GREB1: variants seen among roughly 807,000 people sequenced by gnomAD.
GREB1 encodes protein GREB1.
Under a neutral mutation model 200.7 loss-of-function variants are expected in GREB1, and 106 were observed. The ratio of observed to expected loss-of-function variants is 0.53; its 90% CI spans 0.45 to 0.62. The LOEUF is 0.62. GREB1 is among the 20% of genes least tolerant of loss of function. GREB1 has a pLI of 0.00. For synonymous variants in GREB1, 1,132 were observed against 1,092.4 expected (o/e 1.04, Z -0.72); for missense variants, 2,243 against 2,556.8 (o/e 0.88, Z 2.65).
chr2:11,544,877 C>T (rs1430767032), intron 1 of GREB1, among the ~76,000 whole-genome samples: 1 of 152,150 alleles, frequency 6.6e-6, no homozygotes, highest in African/African-American at 2.4e-5. Flanking sequence ...TGCAGTAGTG[C>T]GTTCTCAGCT....
Position 11,618,624 on chromosome 2 carries a change from C to T in GREB1, c.3749C>T (p.Thr1250Ile), listed in dbSNP as rs1347398282. 4 of 1,613,360 alleles carry T rather than the reference C, an allele frequency of 2.5e-6. No homozygotes were observed. In the East Asian group the frequency reaches 6.7e-5, roughly 27 times the overall value. ...WVLQASQCSL[T>I]KACRQPPIVF... ...CTGCAGGCCTCCCAGTGCTCCTTGA[C>T]CAAGGCCTGCCGCCAGCCACCCATT... The change falls in exon 22 of 33, where the codon ACC becomes ATC. Residue 1250 changes from threonine to isoleucine, a missense_variant. This residue lies in a region of GREB1 where 587 missense variants were observed against 553.1 expected (regional missense o/e 1.06). Transcript: ENST00000381486.
In GREB1 at chr2:11,610,695, C is replaced by T. The variant is rs754201752; in HGVS notation, c.2674C>T (p.Arg892Cys). Reference sequence around the variant, plus strand: ...TCTCTGTGTTCCTTGCAGGTTCCCCCGCCTGCACAGCGCGGTGATCAGGAC... The same window carrying T: ...TCTCTGTGTTCCTTGCAGGTTCCCCTGCCTGCACAGCGCGGTGATCAGGAC... ...MVTALGKRFP[R>C]LHSAVIRTFV... Residue 892 changes from arginine (R) to cysteine (C), a missense_variant, in exon 18 of 33, where the codon CGC becomes TGC. Physicochemically the swap from Arg to Cys is radical, Grantham distance 180 (BLOSUM62 -3). This residue lies in a region of GREB1 where 1,178 missense variants were observed against 1,387.4 expected (regional missense o/e 0.85). Transcript: ENST00000381486. 9.3e-6 allele frequency: 15 copies of T among 1,610,116 alleles called. No individual in the cohort carries two copies. The highest frequency in any genetic ancestry group is 1.7e-5 in the Admixed American group (1 of 59,886).
Position 11,576,511 on chromosome 2 carries a change from C to G in GREB1, c.613C>G (p.Pro205Ala). 6.2e-7 allele frequency: 1 copy of G among 1,613,374 alleles called. No individual in the cohort carries two copies. The highest frequency in any genetic ancestry group is 8.5e-7 in the Non-Finnish European group (1 of 1,179,832). The stretch of plus-strand genomic sequence containing the variant: ...TGCACAAGGGACTCTAACCAAAGGA[C>G]CTTTAATCTGTTGGAAAGGCTCAGG... ...RNAQGTLTKGPLICWKGSEFR... is the reference protein window; with the variant it reads ...RNAQGTLTKGALICWKGSEFR... The change falls in exon 5 of 33, where the codon CCT becomes GCT. Residue 205 changes from proline (P) to alanine (A), a missense_variant. Pro to Ala is a conservative substitution (Grantham distance 27). Coordinates refer to ENST00000381486, the MANE Select transcript of GREB1 (RefSeq NM_014668.4).
intron 23 of GREB1, among the ~76,000 whole-genome samples, chr2:11,622,721 A>C (rs1039608012): frequency 7.2e-5 from 11 of 152,194 alleles, no homozygotes; most frequent in Non-Finnish European, 2.9e-5. Flanking sequence ...ATTTAGATAG[A>C]GGCAAGAAAG....
chr2:11,628,701 T>G (rs536116643), intron 25 of GREB1, among the ~76,000 whole-genome samples: 40 of 152,318 alleles, frequency 2.6e-4, no homozygotes, highest in Admixed American at 1.5e-3. Flanking sequence ...TGAAAGGGAC[T>G]GAAGGGTGTC....
chr2:11,523,963 A>G (rs1673787528), intron 1 of GREB1, among the ~76,000 whole-genome samples: 1 of 152,208 alleles, frequency 6.6e-6, no homozygotes, highest in African/African-American at 2.4e-5. Context: ...TCTCAGGCTC[A>G]TTCAGGCTCA....
At chr2:11,527,623 A>G (rs1388805023) in intron 1 of GREB1, among the ~76,000 whole-genome samples, 6 of 152,196 alleles carry the variant, frequency 3.9e-5, no homozygotes, top group Admixed American at 1.3e-4. Flanking sequence ...AGCCTCTCCA[A>G]ATAGCAAGAC....
chr2:11,637,777 A>G lies in GREB1; in HGVS notation c.5408A>G (p.His1803Arg), dbSNP rs565502547. 6.2e-7 allele frequency: 1 copy of G among 1,614,072 alleles called. No homozygotes were observed. Among genetic ancestry groups the G allele is most frequent in the Non-Finnish European group, 8.5e-7 (1 of 1,180,024 alleles). The change falls in exon 31 of 33, where the codon CAC (histidine) becomes CGC (arginine). Residue 1803 changes from histidine to arginine, a missense_variant. Coordinates refer to ENST00000381486, the MANE Select transcript of GREB1 (RefSeq NM_014668.4). ...AQYICAPDSKHTFLAAPAQLL... is the reference protein window; with the variant it reads ...AQYICAPDSKRTFLAAPAQLL... Reference sequence around the variant, plus strand: ...TACATCTGTGCCCCGGACAGCAAGCACACGTTCCTCGCAGCGCCCGCCCAG... The same window carrying G: ...TACATCTGTGCCCCGGACAGCAAGCGCACGTTCCTCGCAGCGCCCGCCCAG...
chr2:11,631,780 G>A lies in GREB1; in HGVS notation c.4612-129G>A, dbSNP rs529150602. On this transcript the variant is annotated intron_variant, in intron 26 of 32. Coordinates refer to ENST00000381486, the MANE Select transcript of GREB1 (RefSeq NM_014668.4). ...TTTTACTGGTAAAAGCAAGTCACAA[G>A]GCTGAAAATTCCAGCAGTGTAGGCA... The A allele has an allele frequency of 1.4e-5, 10 of 724,378 alleles. No individual in the cohort carries two copies. In the African/African-American group the frequency reaches 1.7e-4, roughly 13 times the overall value. 44.9% of individuals were successfully genotyped at this position (724,378 alleles called of 1,614,324 possible).
intron 8 of GREB1, 55 bp downstream of exon 8, chr2:11,585,329 T>C: frequency 1.8e-6 from 2 of 1,083,612 alleles, no homozygotes; most frequent in Non-Finnish European, 2.7e-6. Context: ...GTGGTAGTGC[T>C]GCTGCCAGTT....
intron 3 of GREB1, 99 bp from the exon 4 acceptor site, chr2:11,566,380 GT>G: frequency 8.6e-7 from 1 of 1,165,384 alleles, no homozygotes; most frequent in Non-Finnish European, 1.2e-6. Flanking sequence ...AGGGGTAAGG[GT>G]TTCTCCTGAG....
At chr2:11,585,469 G>A (rs1387961550) in intron 8 of GREB1, among the ~76,000 whole-genome samples, 195 bp downstream of exon 8, 1 of 152,240 alleles carries the variant, frequency 6.6e-6, no homozygotes, top group Non-Finnish European at 1.5e-5. Flanking sequence ...GCTTTGCAAG[G>A]TCTAGGATCC....
chr2:11,640,541 G>A lies in GREB1; in HGVS notation c.*87G>A, dbSNP rs1380946853. On this transcript the variant is annotated 3_prime_UTR_variant, in exon 33 of 33. Coordinates refer to ENST00000381486, the MANE Select transcript of GREB1 (RefSeq NM_014668.4). The surrounding 1 kb of genome is among the most constrained non-coding windows in gnomAD (Gnocchi z 4.6). ...AAAGGGAGGCCTGGAACGGTGGGGC[G>A]TTTGACTGGAATGGACCCCAGGGAC... 2.0e-6 allele frequency: 3 copies of A among 1,469,996 alleles called. No homozygotes were observed. The highest frequency in any genetic ancestry group is 2.3e-5 in the East Asian group (1 of 44,224). The allele number at this position is 1,469,996 out of a possible 1,614,324, so 91.1% of individuals were successfully genotyped here. A position where few individuals can be genotyped will look rare whatever the true frequency, so the allele number is the denominator to read the frequency against.
chr2:11,620,097 C>T (rs567817419), intron 22 of GREB1, among the ~76,000 whole-genome samples: 1 of 152,322 alleles, frequency 6.6e-6, no homozygotes, highest in South Asian at 2.1e-4. Context: ...TTGCCTCAGC[C>T]TCCCGAGTAG....
chr2:11,608,198 AT>A (rs1301975267), intron 17 of GREB1, among the ~76,000 whole-genome samples: 2 of 152,160 alleles, frequency 1.3e-5, no homozygotes, highest in East Asian at 1.9e-4. Flanking sequence ...GGTCTAGTTT[AT>A]TTTCTATCTA....
At chr2:11,634,750 G>A (rs1685171555) in intron 29 of GREB1, among the ~76,000 whole-genome samples, 1 of 152,156 alleles carries the variant, frequency 6.6e-6, no homozygotes, top group African/African-American at 2.4e-5. Context: ...ACTGGGCAGT[G>A]GACCACGGCC....
chr2:11,514,214 A>G lies in GREB1; in HGVS notation c.-159+31833A>G, dbSNP rs1673426235. Among the ~76,000 whole-genome samples, 2 of 152,220 alleles carry G rather than the reference A, an allele frequency of 1.3e-5. 1 individual carries two copies. Among genetic ancestry groups the G allele is most frequent in the South Asian group, 4.1e-4 (2 of 4,830 alleles). On this transcript the variant is annotated intron_variant, in intron 1 of 2. Transcript: ENST00000628795. ...TGAGAGCCAAATGTGTGTGTGCCAG[A>G]TATGGTGCTGGCTTATTTACATAGA...
chr2:11,537,707 A>G (rs1674359027), intron 1 of GREB1, among the ~76,000 whole-genome samples: 1 of 147,550 alleles, frequency 6.8e-6, no homozygotes, highest in Admixed American at 6.8e-5. Context: ...ATCATATATT[A>G]GATAAATATA....
In GREB1 at chr2:11,631,868, C is replaced by T. The variant is rs79845874; in HGVS notation, c.4612-41C>T. The stretch of plus-strand genomic sequence containing the variant: ...CATGTCAAGGGAATAATTGCAGCCA[C>T]ATTTACAAACACTCTACCTCATGAT... On this transcript the variant is annotated intron_variant, in intron 26 of 32. Coordinates refer to ENST00000381486, the MANE Select transcript of GREB1 (RefSeq NM_014668.4). 6.9e-3 allele frequency: 9,993 copies of T among 1,445,696 alleles called. 55 individuals are homozygous for T. Among genetic ancestry groups the T allele is most frequent in the Non-Finnish European group, 7.9e-3 (8,148 of 1,027,982 alleles). 89.6% of individuals were successfully genotyped at this position (1,445,696 alleles called of 1,614,324 possible).
Sources: gnomAD v4.1 joint callset for allele counts (sites outside exome capture counted in the v4.1 genomes callset) on GRCh38, gnomAD v4.1.1 for gene constraint, gnomAD v4.1.1 regional missense constraint, Gnocchi (gnomAD v3.1) non-coding constraint, MANE v1.5 for transcripts, NCBI Gene and HGNC (gene_info 2026-07-23, HGNC 2026-07-21) for gene names.